The following CLIC4 variants were observed in gnomAD, a reference collection of about 807,000 sequenced individuals.
The protein encoded by CLIC4 is CLIC family member 4.
CLIC4 carries 13 observed loss-of-function variants against 24.6 expected under a neutral mutation model. The observed-to-expected ratio is 0.53, with a 90% confidence interval of 0.34 to 0.84. The LOEUF (loss-of-function observed/expected upper bound fraction) is 0.84. Among genes scored for constraint, CLIC4 ranks in the 40% least tolerant of loss-of-function variants. CLIC4 has a pLI of 0.01. For missense variants in CLIC4, 227 were observed against 301.7 expected (o/e 0.75, Z 1.83); for synonymous variants, 104 against 111.3 (o/e 0.93, Z 0.41).
intron 1 of CLIC4, among the ~76,000 whole-genome samples, chr1:24,764,745 T>C (rs771063119): frequency 6.6e-6 from 1 of 152,200 alleles, no homozygotes; most frequent in Non-Finnish European, 1.5e-5. Flanking sequence ...CTTTTGTCTT[T>C]TATTAAAAAT....
At chr1:24,798,795 G>C (rs1571248883) in intron 2 of CLIC4, among the ~76,000 whole-genome samples, 1 of 150,416 alleles carries the variant, frequency 6.6e-6, no homozygotes, top group South Asian at 2.2e-4. Context: ...GCCTGCGATT[G>C]CAGGCACGCG....
chr1:24,745,611 G>T lies in CLIC4; in HGVS notation c.58G>T (p.Glu20Ter). 1 of 1,574,366 alleles carries T rather than the reference G, an allele frequency of 6.4e-7. No individual in the cohort carries two copies. Among genetic ancestry groups the T allele is most frequent in the Non-Finnish European group, 8.6e-7 (1 of 1,163,360 alleles). The change falls in exon 1 of 6, where the codon GAG (glutamate) becomes TAG (stop). Residue 20 changes from glutamate (E) to a stop codon, truncating the protein, a stop_gained. Transcript: ENST00000374379. LOFTEE classifies it high-confidence loss of function. ...LKEEDKEPLIELFVKAGSDGE... is the reference protein window; with the variant it reads ...LKEEDKEPLI ...GGAGGAGGACAAAGAGCCCCTCATC[G>T]AGCTCTTCGTCAAGGTGAGCGCTCG...
At chr1:24,799,333 G>A (rs537952418) in intron 2 of CLIC4, among the ~76,000 whole-genome samples, 1 of 151,688 alleles carries the variant, frequency 6.6e-6, no homozygotes, top group African/African-American at 2.4e-5. Flanking sequence ...GCCTCTGCCC[G>A]GCCGCAACCC....
chr1:24,746,028 T>G (rs1638691228), intron 1 of CLIC4, among the ~76,000 whole-genome samples: 1 of 151,320 alleles, frequency 6.6e-6, no homozygotes, highest in African/African-American at 2.4e-5. Flanking sequence ...AGCGCTCCGG[T>G]CCGCCGCCCG....
chr1:24,745,708 G>C, intron 1 of CLIC4, 83 bp downstream of exon 1: 2 of 1,155,760 alleles, frequency 1.7e-6, no homozygotes, highest in Non-Finnish European at 2.4e-6. Context: ...GGGCTCTCCT[G>C]AGGCGCCCCC....
chr1:24,776,891 G>A (rs1639147177), intron 1 of CLIC4, among the ~76,000 whole-genome samples: 2 of 152,044 alleles, frequency 1.3e-5, no homozygotes, highest in African/African-American at 2.4e-5. Flanking sequence ...CAGCCTGGGC[G>A]ACAAGAGCAA....
At chr1:24,788,904 A>G (rs1005890865) in intron 1 of CLIC4, among the ~76,000 whole-genome samples, 4 of 152,230 alleles carry the variant, frequency 2.6e-5, no homozygotes, top group Admixed American at 6.5e-5. Context: ...AAACTTTTAG[A>G]TAATTACTGC....
Position 24,774,550 on chromosome 1 carries a change from T to G in CLIC4, c.73-23192T>G, listed in dbSNP as rs181801465. 4.6e-5 allele frequency among the ~76,000 whole-genome samples: 7 copies of G among 152,156 alleles called. No homozygotes were observed. The East Asian group carries it at 1.4e-3, about 29-fold the overall frequency. On this transcript the variant is annotated intron_variant, in intron 1 of 5. Coordinates refer to ENST00000374379, the MANE Select transcript of CLIC4 (RefSeq NM_013943.3). ...GGCTCATGCCTGTAATCTCAGCACT[T>G]TGGGAGGCTGAAGTGGAAGATCTCT...
chr1:24,759,607 G>A (rs1333128568), intron 1 of CLIC4, among the ~76,000 whole-genome samples: 1 of 152,064 alleles, frequency 6.6e-6, no homozygotes, highest in Non-Finnish European at 1.5e-5. Context: ...ACAGTTTAAG[G>A]GTTGCTAGTA....
In CLIC4 at chr1:24,745,467, G is replaced by A. The variant is rs1557791037; in HGVS notation, c.-87G>A. 7.8e-7 allele frequency: 1 copy of A among 1,276,514 alleles called. No homozygotes were observed. The highest frequency in any genetic ancestry group is 2.8e-5 in the East Asian group (1 of 35,636). The allele number at this position is 1,276,514 out of a possible 1,614,324, so 79.1% of individuals were successfully genotyped here. ...CGGACAGTCCAGCGAGCAGCACGGCGGGAACCGGCAGCCGGAGCAGTCCCG... is the reference window on the plus strand; with the variant it reads ...CGGACAGTCCAGCGAGCAGCACGGCAGGAACCGGCAGCCGGAGCAGTCCCG... On this transcript the variant is annotated 5_prime_UTR_variant, in exon 1 of 6. Coordinates refer to ENST00000374379, the MANE Select transcript of CLIC4 (RefSeq NM_013943.3).
chr1:24,785,003 C>CA (rs371409071), intron 1 of CLIC4, among the ~76,000 whole-genome samples: 82,525 of 121,944 alleles, frequency 0.68, 26,587 homozygotes, highest in Admixed American at 0.73. Context: ...GACTCTGTCT[C>CA]AAAAAAAAAA....
At chr1:24,806,517 A>AAT (rs1553193084) in intron 2 of CLIC4, among the ~76,000 whole-genome samples, 6 of 152,186 alleles carry the variant, frequency 3.9e-5, no homozygotes, top group Non-Finnish European at 7.3e-5. Context: ...TATTTAAAAA[A>AAT]ATATATATAT....
At chr1:24,770,498 G>A (rs1639057947) in intron 1 of CLIC4, among the ~76,000 whole-genome samples, 1 of 151,942 alleles carries the variant, frequency 6.6e-6, no homozygotes, top group African/African-American at 2.4e-5. Context: ...TTCCCCCCTT[G>A]CTTTTGGCTC....
rs147388064 is a variant in CLIC4 at position 24,811,036 on chromosome 1, A to G, written c.183-3058A>G. Among the ~76,000 whole-genome samples the G allele has an allele frequency of 5.9e-3, 888 of 151,564 alleles. 9 individuals carry two copies. Among genetic ancestry groups the G allele is most frequent in the African/African-American group, 0.02 (819 of 41,294 alleles). On this transcript the variant is annotated intron_variant, in intron 2 of 5. Transcript: ENST00000374379. ...GGAGCTTGTAGTGAGCCGAGATCGC[A>G]CCACTGCACTTCAGCCTGGGCGACA...
intron 1 of CLIC4, among the ~76,000 whole-genome samples, chr1:24,767,422 A>G (rs1443507734): frequency 2.0e-5 from 3 of 152,222 alleles, no homozygotes; most frequent in Admixed American, 6.5e-5. Flanking sequence ...TATTATATTC[A>G]ATATACCATA....
intron 1 of CLIC4, among the ~76,000 whole-genome samples, chr1:24,749,419 G>A (rs1638747563): frequency 6.6e-6 from 1 of 152,082 alleles, no homozygotes; most frequent in Admixed American, 6.6e-5. Context: ...ATGTAATGGG[G>A]CTTTGAGCCT....
At chr1:24,813,977 G>T in intron 2 of CLIC4, 117 bp from the exon 3 acceptor site, 1 of 1,185,572 alleles carries the variant, frequency 8.4e-7, no homozygotes. Flanking sequence ...TCAGCCTCCT[G>T]TAGTGCTACG....
intron 1 of CLIC4, among the ~76,000 whole-genome samples, chr1:24,747,533 C>CAA (rs35626709): frequency 0.063 from 5,793 of 92,136 alleles, 299 homozygotes; most frequent in Non-Finnish European, 0.067. Context: ...GACTCCATCT[C>CAA]AAAAAAAAAA....
chr1:24,811,403 C>T (rs1297768669), intron 2 of CLIC4, among the ~76,000 whole-genome samples: 1 of 152,156 alleles, frequency 6.6e-6, no homozygotes, highest in African/African-American at 2.4e-5. Context: ...CCTAATGGAT[C>T]ACCTGGTGAA....
Sources: allele counts gnomAD v4.1 joint callset (sites outside exome capture counted in the v4.1 genomes callset), GRCh38; gene constraint gnomAD v4.1.1; transcripts MANE v1.5; gene names NCBI Gene and HGNC (gene_info 2026-07-23, HGNC 2026-07-21).